Variants in MLLT1 observed in about 807,000 individuals in gnomAD.
MLLT1 encodes the protein MLLT1 super elongation complex subunit.
In MLLT1, 11 loss-of-function variants were observed where a neutral mutation model predicts 55.1. That is an observed-to-expected ratio of 0.20 (90% CI 0.13 to 0.33). The LOEUF is 0.33. Among genes scored for constraint, MLLT1 ranks in the 10% least tolerant of loss-of-function variants. The pLI is 1.00. For missense variants in MLLT1, 536 were observed against 760.6 expected (o/e 0.70, Z 3.47); for synonymous variants, 323 against 320.1 (o/e 1.01, Z -0.10).
At chr19:6,228,526 A>G (rs2090975284) in intron 4 of MLLT1, among the ~76,000 whole-genome samples, 2 of 152,288 alleles carry the variant, frequency 1.3e-5, no homozygotes, top group East Asian at 3.9e-4. Flanking sequence ...CCTAAGGGGC[A>G]CAAGGCTGGA....
rs975973311 is a variant in MLLT1 at position 6,273,021 on chromosome 19, G to C, written c.13-2262C>G. ...GGGATTCCCTTGGCTCAGGACGACT[G>C]TCCCTCTGGAGTTCCCTGGGAAAAG... is the stretch of plus-strand genomic sequence containing the variant. On this transcript the variant is annotated intron_variant, in intron 1 of 11. Coordinates refer to ENST00000252674, the MANE Select transcript of MLLT1 (RefSeq NM_005934.4). The surrounding 1 kb of genome is among the most constrained non-coding windows in gnomAD (Gnocchi z 4.3). 3.9e-5 allele frequency among the ~76,000 whole-genome samples: 6 copies of C among 152,356 alleles called. No individual in the cohort carries two copies. Among genetic ancestry groups the C allele is most frequent in the African/African-American group, 1.2e-4 (5 of 41,582 alleles).
chr19:6,214,746 A>AG (rs2090822084), intron 8 of MLLT1, among the ~76,000 whole-genome samples: 1 of 152,198 alleles, frequency 6.6e-6, no homozygotes, highest in Non-Finnish European at 1.5e-5. Flanking sequence ...ATCCAGTGAG[A>AG]GGGGCCCCTG....
intron 2 of MLLT1, among the ~76,000 whole-genome samples, chr19:6,266,338 G>T (rs916825907): frequency 6.6e-6 from 1 of 150,740 alleles, no homozygotes; most frequent in Non-Finnish European, 1.5e-5. Flanking sequence ...TTCTTGACCT[G>T]TAATTCCCAA....
rs1179221563 is a variant in MLLT1, at chr19:6,213,740, C to T, written c.1465G>A (p.Gly489Ser). Residue 489 changes from glycine (G) to serine (S), a missense_variant, in exon 10 of 12, where the codon GGC (glycine) becomes AGC (serine). Gly to Ser is a moderately conservative substitution (Grantham distance 56). Around this residue, in one of 3 missense-constraint regions of MLLT1, gnomAD observed 449 missense variants for 489.0 expected, o/e 0.92. Transcript: ENST00000252674. ...CSKPEKILKKGTYDKAYTDEL... is the reference protein window; with the variant it reads ...CSKPEKILKKSTYDKAYTDEL... The stretch of plus-strand genomic sequence containing the variant: ...TGCCCCCCCACCTTGTCGTAGGTGC[C>T]CTTCTTGAGGATCTTCTCAGGCTTG... 5.6e-6 allele frequency: 9 copies of T among 1,612,954 alleles called. No homozygotes were observed. The highest frequency in any genetic ancestry group is 1.1e-5 in the South Asian group (1 of 91,048).
intron 3 of MLLT1, among the ~76,000 whole-genome samples, chr19:6,251,491 G>C (rs969265211): frequency 2.0e-5 from 3 of 152,174 alleles, no homozygotes; most frequent in African/African-American, 7.2e-5. Context: ...GGGTGGTAGA[G>C]ACACACAGAC....
intron 3 of MLLT1, among the ~76,000 whole-genome samples, chr19:6,249,103 A>G (rs2091193738): frequency 6.6e-6 from 1 of 152,208 alleles, no homozygotes; most frequent in African/African-American, 2.4e-5. Flanking sequence ...ATCCAAATTG[A>G]GACGTGCAGC....
chr19:6,227,129 A>G lies in MLLT1; in HGVS notation c.421-27T>C. 1 of 1,581,338 alleles carries G rather than the reference A, an allele frequency of 6.3e-7. No homozygotes were observed. Among genetic ancestry groups the G allele is most frequent in the East Asian group, 2.4e-5 (1 of 41,326 alleles). On this transcript the variant is annotated intron_variant, in intron 4 of 11. Coordinates refer to ENST00000252674, the MANE Select transcript of MLLT1 (RefSeq NM_005934.4). This position sits in a 1 kb window ranked among gnomAD's most constrained non-coding sequence, Gnocchi z 5.1. ...TAGTGACAGAGAAGAGACAGTCATT[A>G]TCGATGGGCAGGGGGCAGGGGGCCC... is the stretch of plus-strand genomic sequence containing the variant.
chr19:6,279,113 C>T (rs1454535039), intron 1 of MLLT1, among the ~76,000 whole-genome samples: 1 of 151,964 alleles, frequency 6.6e-6, no homozygotes, highest in Non-Finnish European at 1.5e-5. Flanking sequence ...GGAGATAAAG[C>T]TTAGGCTGGG....
At position 6,212,712 on chromosome 19, in the gene MLLT1, A is replaced by G. The variant is rs1489424379; in HGVS notation, c.*330T>C. 4 of 1,138,240 alleles carry G rather than the reference A, an allele frequency of 3.5e-6. No homozygotes were observed. The East Asian group carries it at 1.8e-4, about 51-fold the overall frequency. 70.5% of individuals were successfully genotyped at this position (1,138,240 alleles called of 1,614,324 possible). A position where few individuals can be genotyped will look rare whatever the true frequency, so the allele number is the denominator to read the frequency against. On this transcript the variant is annotated 3_prime_UTR_variant, in exon 12 of 12. Coordinates refer to ENST00000252674, the MANE Select transcript of MLLT1 (RefSeq NM_005934.4). ...GGCAGCGACGCCGCACAGCCCGCCG[A>G]GCAGTGGGGGCTGGTCCCAAGGCTG...
Position 6,243,415 on chromosome 19 carries a change from T to C in MLLT1, c.277-12702A>G, listed in dbSNP as rs567052983. ...CCTGTTTGGCAGCCACTGAATTCCT[T>C]CTGGGAGAGATGGAGCCAGGTCTGC... On this transcript the variant is annotated intron_variant, in intron 3 of 11. Transcript: ENST00000252674. 3.9e-5 allele frequency among the ~76,000 whole-genome samples: 6 copies of C among 152,302 alleles called. No individual in the cohort carries two copies. In the South Asian group the frequency reaches 1.2e-3, roughly 32 times the overall value.
rs1452044248 is a variant in MLLT1, at chr19:6,211,345, C to T, written c.*1697G>A. 3 of 232,980 alleles carry T rather than the reference C, an allele frequency of 1.3e-5. No homozygotes were observed. The highest frequency in any genetic ancestry group is 2.5e-5 in the Non-Finnish European group (3 of 117,858). The allele number at this position is 232,980 out of a possible 1,614,324, so 14.4% of individuals were successfully genotyped here. ...AGAAACAGAGCAGGTGGCGAGGAGT[C>T]CCGGAGGCTTCCTCCGAAGGTTCTC... On this transcript the variant is annotated 3_prime_UTR_variant, in exon 12 of 12. Transcript: ENST00000252674. This position sits in a 1 kb window ranked among gnomAD's most constrained non-coding sequence, Gnocchi z 4.6.
At position 6,240,069 on chromosome 19, in the gene MLLT1, CTG is replaced by C. The variant is rs1161491261; in HGVS notation, c.277-9358_277-9357del. ...ACCCTGGACGGGCTGCTGCACCTCT[CTG>C]AGCCTCAGAGAGAGGCAGGAATCAA... On this transcript the variant is annotated intron_variant, in intron 3 of 11. Transcript: ENST00000252674. This position sits in a 1 kb window ranked among gnomAD's most constrained non-coding sequence, Gnocchi z 4.7. Among the ~76,000 whole-genome samples the C allele has an allele frequency of 6.6e-6, 1 of 152,136 alleles. No individual in the cohort carries two copies. Among genetic ancestry groups the C allele is most frequent in the Non-Finnish European group, 1.5e-5 (1 of 68,020 alleles).
chr19:6,212,853 G>T lies in MLLT1; in HGVS notation c.*189C>A. ...CCCGTGTGGCCCAGCCCGGCCCCAG[G>T]GCTCCTGGCGATGGAGCGGGGAGAG... On this transcript the variant is annotated 3_prime_UTR_variant, in exon 12 of 12. Transcript: ENST00000252674. The T allele has an allele frequency of 1.1e-6, 1 of 951,056 alleles. No homozygotes were observed. The highest frequency in any genetic ancestry group is 1.5e-6 in the Non-Finnish European group (1 of 677,018). 58.9% of individuals were successfully genotyped at this position (951,056 alleles called of 1,614,324 possible). A position where few individuals can be genotyped will look rare whatever the true frequency, so the allele number is the denominator to read the frequency against.
rs2091054047 is a variant in MLLT1 at position 6,235,684 on chromosome 19, C to T, written c.277-4971G>A. Among the ~76,000 whole-genome samples the T allele has an allele frequency of 6.6e-6, 1 of 152,174 alleles. No individual in the cohort carries two copies. Among genetic ancestry groups the T allele is most frequent in the Non-Finnish European group, 1.5e-5 (1 of 68,010 alleles). ...CCTCAGCCAGCCCCTCTCTCCTGGA[C>T]CACCTGCCTCCTAACCGTCACCCGC... On this transcript the variant is annotated intron_variant, in intron 3 of 11. Transcript: ENST00000252674. The surrounding 1 kb of genome is among the most constrained non-coding windows in gnomAD (Gnocchi z 5.5).
chr19:6,214,120 G>A (rs1323140589), intron 8 of MLLT1, 82 bp from the exon 9 acceptor site: 25 of 665,328 alleles, frequency 3.8e-5, no homozygotes, highest in Admixed American at 7.5e-5. Context: ...CCTCTGCCCC[G>A]CACGGAGTCG....
At chr19:6,237,110 G>T (rs1312573550) in intron 3 of MLLT1, among the ~76,000 whole-genome samples, 3 of 152,244 alleles carry the variant, frequency 2.0e-5, no homozygotes, top group Non-Finnish European at 4.4e-5. Flanking sequence ...AGCCCGCCAC[G>T]CCTGCTGGTG....
intron 3 of MLLT1, among the ~76,000 whole-genome samples, chr19:6,236,250 G>A (rs544622197): frequency 1.3e-5 from 2 of 152,204 alleles, no homozygotes; most frequent in Non-Finnish European, 2.9e-5. Context: ...CACAGTGTCT[G>A]CAGAGCGCTG....
At chr19:6,228,691 A>T (rs1199428936) in intron 4 of MLLT1, among the ~76,000 whole-genome samples, 1 of 152,038 alleles carries the variant, frequency 6.6e-6, no homozygotes, top group African/African-American at 2.4e-5. Context: ...CTGCTGCTAG[A>T]CGGCCACTGC....
At chr19:6,257,122 A>G (rs964001400) in intron 3 of MLLT1, among the ~76,000 whole-genome samples, 9 of 152,254 alleles carry the variant, frequency 5.9e-5, no homozygotes, top group Non-Finnish European at 1.2e-4. Flanking sequence ...TCATTTGGCA[A>G]TGGAGTCACA....
Sources: allele counts gnomAD v4.1 joint callset (sites outside exome capture counted in the v4.1 genomes callset), GRCh38; gene constraint gnomAD v4.1.1; regional missense constraint gnomAD v4.1.1; non-coding constraint Gnocchi (gnomAD v3.1); transcripts MANE v1.5; gene names NCBI Gene and HGNC (gene_info 2026-07-23, HGNC 2026-07-21).